RINT1: variants seen among roughly 807,000 people sequenced by gnomAD.
The protein encoded by RINT1 is RAD50-interacting protein 1.
Under a neutral mutation model 97.7 loss-of-function variants are expected in RINT1, and 75 were observed. The ratio of observed to expected loss-of-function variants is 0.77; its 90% CI spans 0.64 to 0.93. RINT1 has a LOEUF of 0.93. Ranked by LOEUF, RINT1 falls within the 40% of genes least tolerant of loss-of-function variation. RINT1 has a pLI of 0.00. For synonymous variants in RINT1, 303 were observed against 326.3 expected, an observed-to-expected ratio of 0.93 and a Z score of 0.77; for missense variants, 892 against 925.2, an observed-to-expected ratio of 0.96 and a Z score of 0.47.
intron 9 of RINT1, among the ~76,000 whole-genome samples, chr7:105,551,050 A>C (rs191578455): frequency 9.2e-4 from 140 of 151,758 alleles, no homozygotes; most frequent in Non-Finnish European, 8.4e-4. Flanking sequence ...TATTTTTGAG[A>C]TAGGGTCTCA....
intron 11 of RINT1, among the ~76,000 whole-genome samples, chr7:105,561,074 G>C (rs1029963361): frequency 2.0e-5 from 3 of 149,214 alleles, no homozygotes; most frequent in African/African-American, 7.5e-5. Flanking sequence ...ATGTGTTCAC[G>C]GCCTAATGCT....
intron 11 of RINT1, 61 bp from the exon 12 acceptor site, chr7:105,563,672 A>T: frequency 7.4e-7 from 1 of 1,352,164 alleles, no homozygotes. Context: ...TGACATATGA[A>T]TTCTATTTCA....
chr7:105,534,676 G>A (rs1015601164), intron 2 of RINT1, among the ~76,000 whole-genome samples: 1 of 151,882 alleles, frequency 6.6e-6, no homozygotes, highest in African/African-American at 2.4e-5. Flanking sequence ...TTGAGGCATA[G>A]TGTTATGTTA....
chr7:105,566,121 A>C (rs1359593900), intron 14 of RINT1, among the ~76,000 whole-genome samples: 1 of 151,928 alleles, frequency 6.6e-6, no homozygotes, highest in African/African-American at 2.4e-5. Context: ...ATACCAAAAA[A>C]AAAAAAATTA....
chr7:105,552,023 A>G (rs1002539634), intron 10 of RINT1, among the ~76,000 whole-genome samples: 8 of 152,130 alleles, frequency 5.3e-5, no homozygotes, highest in Non-Finnish European at 2.9e-5. Context: ...AGCCATGATC[A>G]CGCCACTGCA....
intron 11 of RINT1, among the ~76,000 whole-genome samples, chr7:105,555,911 G>C (rs1791156851): frequency 6.6e-6 from 1 of 152,068 alleles, no homozygotes; most frequent in Non-Finnish European, 1.5e-5. Context: ...GATCACTGGA[G>C]CCCAGAAATT....
intron 10 of RINT1, among the ~76,000 whole-genome samples, chr7:105,553,365 A>G (rs989617950): frequency 7.2e-5 from 11 of 151,990 alleles, no homozygotes; most frequent in African/African-American, 2.7e-4. Context: ...AGCTGGGATT[A>G]CAGATGCCTG....
intron 7 of RINT1, among the ~76,000 whole-genome samples, chr7:105,549,773 A>G (rs752152363): frequency 1.3e-5 from 2 of 152,232 alleles, no homozygotes; most frequent in Non-Finnish European, 2.9e-5. Flanking sequence ...ATCATTTTAC[A>G]TATTATTGAA....
At chr7:105,566,010 C>T (rs1791716915) in intron 14 of RINT1, among the ~76,000 whole-genome samples, 1 of 152,144 alleles carries the variant, frequency 6.6e-6, no homozygotes, top group Admixed American at 6.6e-5. Context: ...TGGCTCACGC[C>T]TGTAATCCCA....
intron 10 of RINT1, among the ~76,000 whole-genome samples, chr7:105,552,394 AAGTAATTTTAAGGATTGG>A (rs1241896442): frequency 6.6e-6 from 1 of 152,138 alleles, no homozygotes; most frequent in Admixed American, 6.6e-5. Flanking sequence ...TAAAATAATG[AAGTAATTTTAAGGATTGG>A]AGTAGTAATA....
Position 105,555,047 on chromosome 7 carries a change from C to T in RINT1, c.1491C>T (p.Pro497=). ...CCACAGACAGGTATAAAAATCTTCC[C>T]ACAGCTTCCCGAAAGCTTCAGTTCC... ...LVITDRYKNL[P]TASRKLQFLE... is the part of the protein sequence containing the mutation. Residue 497 remains proline (P), a synonymous_variant, in exon 11 of 15, where the codon CCC becomes CCT. Transcript: ENST00000257700. 2 of 1,613,770 alleles carry T rather than the reference C, an allele frequency of 1.2e-6. No homozygotes were observed. The highest frequency in any genetic ancestry group is 1.7e-6 in the Non-Finnish European group (2 of 1,179,916).
At chr7:105,552,257 TAGGAA>T (rs1790960517) in intron 10 of RINT1, among the ~76,000 whole-genome samples, 1 of 152,194 alleles carries the variant, frequency 6.6e-6, no homozygotes, top group Non-Finnish European at 1.5e-5. Context: ...AACAATTAAA[TAGGAA>T]TTTAATTTTA....
At chr7:105,539,494 G>A (rs1046679197) in intron 3 of RINT1, among the ~76,000 whole-genome samples, 18 of 151,898 alleles carry the variant, frequency 1.2e-4, no homozygotes, top group African/African-American at 4.4e-4. Context: ...CCAAGTAGCT[G>A]GGATTATAGG....
chr7:105,547,159 T>G (rs1371629621), intron 5 of RINT1, 25 bp from the exon 6 acceptor site: 8 of 1,613,912 alleles, frequency 5.0e-6, no homozygotes, highest in Non-Finnish European at 6.8e-6. Context: ...TGTACTGAAA[T>G]GTATGTGTTA....
chr7:105,546,754 T>G (rs955415545), intron 4 of RINT1, among the ~76,000 whole-genome samples, 156 bp from the exon 5 acceptor site: 5 of 152,002 alleles, frequency 3.3e-5, no homozygotes, highest in Non-Finnish European at 5.9e-5. Flanking sequence ...CGCATGCCTG[T>G]AATCCCAGCT....
chr7:105,534,833 TTTTAA>T (rs1442733999), intron 2 of RINT1, among the ~76,000 whole-genome samples: 2 of 152,144 alleles, frequency 1.3e-5, no homozygotes, highest in Non-Finnish European at 2.9e-5. Flanking sequence ...GTGAAAAATC[TTTTAA>T]TTTAATTCAT....
intron 4 of RINT1, 63 bp from the exon 5 acceptor site, chr7:105,546,847 C>T (rs1043967048): frequency 1.6e-6 from 2 of 1,274,630 alleles, no homozygotes; most frequent in Non-Finnish European, 2.2e-6. Context: ...TGCACTCCAA[C>T]CTGGGCAACA....
intron 6 of RINT1, among the ~76,000 whole-genome samples, chr7:105,547,973 C>T (rs1035621615): frequency 2.0e-5 from 3 of 151,934 alleles, no homozygotes; most frequent in African/African-American, 2.4e-5. Context: ...GTGATCCACC[C>T]GCCTCAGCTT....
intron 6 of RINT1, among the ~76,000 whole-genome samples, chr7:105,548,205 T>G (rs1242008780): frequency 6.6e-6 from 1 of 152,062 alleles, no homozygotes; most frequent in Non-Finnish European, 1.5e-5. Context: ...TTTTTGTTGT[T>G]TTTTGTAGAG....
Sources: allele counts gnomAD v4.1 joint callset (sites outside exome capture counted in the v4.1 genomes callset), GRCh38; gene constraint gnomAD v4.1.1; transcripts MANE v1.5; gene names NCBI Gene and HGNC (gene_info 2026-07-23, HGNC 2026-07-21).